The following IL34 variants were observed in gnomAD, a reference collection of about 807,000 sequenced individuals.
IL34 encodes interleukin 34, also known as interleukin-34.
Under a neutral mutation model 25.3 loss-of-function variants are expected in IL34, and 17 were observed. The observed-to-expected ratio is 0.67, with a 90% CI of 0.46 to 1.01. IL34 has a LOEUF of 1.01. IL34 is among the 50% of genes least tolerant of loss of function. The pLI is 0.00. For synonymous variants in IL34, 174 were observed against 140.9 expected (o/e 1.23, Z -1.66); for missense variants, 368 against 312.9 (o/e 1.18, Z -1.33).
upstream of IL34, among the ~76,000 whole-genome samples, chr16:70,645,250 G>A (rs1293358223): frequency 6.6e-6 from 1 of 152,158 alleles, no homozygotes; most frequent in South Asian, 2.1e-4. Flanking sequence ...CAGGGTGACT[G>A]CATAAGGGAT....
At chr16:70,619,388 C>T (rs996556273) in intron 1 of IL34, among the ~76,000 whole-genome samples, 1 of 151,926 alleles carries the variant, frequency 6.6e-6, no homozygotes, top group Non-Finnish European at 1.5e-5. Context: ...TAGCTGTAGT[C>T]CAGGAATAGT....
chr16:70,657,106 C>A lies in IL34; in HGVS notation c.387C>A (p.Val129=). The A allele has an allele frequency of 1.2e-6, 2 of 1,612,772 alleles. No homozygotes were observed. The highest frequency in any genetic ancestry group is 1.8e-4 in the Middle Eastern group (1 of 5,556). The change falls in exon 4 of 6, where the codon GTC becomes GTA. Residue 129 remains valine (V), a synonymous_variant. Transcript: ENST00000288098. The part of the protein sequence containing the change: ...LQEVETLLLN[V]QQGLTDVEVS... Reference sequence around the variant, plus strand: ...AGGTGGAGACGCTGCTGCTGAATGTCCAGCAGGGCCTCACGGTGAGTTGTG... The same window carrying A: ...AGGTGGAGACGCTGCTGCTGAATGTACAGCAGGGCCTCACGGTGAGTTGTG...
chr16:70,643,421 A>C (rs2051833657), upstream of IL34, among the ~76,000 whole-genome samples: 1 of 152,180 alleles, frequency 6.6e-6, no homozygotes, highest in African/African-American at 2.4e-5. Context: ...CCCATGCTGG[A>C]GTGCAGTGGC....
intron 1 of IL34, among the ~76,000 whole-genome samples, chr16:70,608,786 TTCAGTGTGCAGACTTGCACCTCAGCC>T (rs2051048867): frequency 6.6e-6 from 1 of 152,104 alleles, no homozygotes; most frequent in African/African-American, 2.4e-5. Flanking sequence ...TCATCATGGG[TTCAGTGTGCAGACTTGCACCTCAGCC>T]TCACGCCTCA....
At chr16:70,595,822 GC>G (rs1179213444) in intron 1 of IL34, among the ~76,000 whole-genome samples, 3 of 151,714 alleles carry the variant, frequency 2.0e-5, no homozygotes, top group African/African-American at 7.3e-5. Flanking sequence ...GACCAGCTGG[GC>G]CAACATGGTG....
In IL34 at chr16:70,647,939, G is replaced by A. The variant is rs138773076; in HGVS notation, c.28+964G>A. Among the ~76,000 whole-genome samples, 768 of 152,298 alleles carry A rather than the reference G, an allele frequency of 5.0e-3. 4 individuals are homozygous for A. Among genetic ancestry groups the A allele is most frequent in the Non-Finnish European group, 8.0e-3 (547 of 68,024 alleles). The stretch of plus-strand genomic sequence containing the variant: ...TGGAAATGGTCTAGAAGGTGGGGTG[G>A]TGGTCACACAGGTAGACCTGGGGTC... On this transcript the variant is annotated intron_variant, in intron 1 of 5. Transcript: ENST00000288098.
intron 1 of IL34, among the ~76,000 whole-genome samples, chr16:70,597,440 C>T (rs760733892): frequency 6.6e-6 from 1 of 152,046 alleles, no homozygotes; most frequent in Non-Finnish European, 1.5e-5. Flanking sequence ...AGGCTGTTAT[C>T]GAACTCCTGG....
In IL34 at chr16:70,657,096, T is replaced by C; in HGVS notation, c.377T>C (p.Leu126Pro). Residue 126 changes from leucine (L) to proline (P), a missense_variant, in exon 4 of 6, where the codon CTG (leucine) becomes CCG (proline). Coordinates refer to ENST00000288098, the MANE Select transcript of IL34 (RefSeq NM_001393494.1). ...TACCTGCAGGAGGTGGAGACGCTGC[T>C]GCTGAATGTCCAGCAGGGCCTCACG... ...WKYLQEVETL[L>P]LNVQQGLTDV... The C allele has an allele frequency of 6.2e-7, 1 of 1,613,112 alleles. No individual in the cohort carries two copies. Among genetic ancestry groups the C allele is most frequent in the Non-Finnish European group, 8.5e-7 (1 of 1,179,924 alleles).
At chr16:70,650,756 T>C (rs1021714762) in intron 1 of IL34, among the ~76,000 whole-genome samples, 14 of 152,304 alleles carry the variant, frequency 9.2e-5, no homozygotes, top group African/African-American at 2.6e-4. Context: ...GTAGACTCTC[T>C]GCATCCTAGA....
chr16:70,644,933 G>GGGA (rs2051883003), upstream of IL34, among the ~76,000 whole-genome samples: 1 of 38,958 alleles, frequency 2.6e-5, no homozygotes, highest in African/African-American at 4.4e-4. Context: ...GGAGGAAGGA[G>GGGA]GAAGAGGAGG....
intron 1 of IL34, among the ~76,000 whole-genome samples, chr16:70,640,529 C>G (rs1397683891): frequency 6.6e-6 from 1 of 150,746 alleles, no homozygotes; most frequent in Non-Finnish European, 1.5e-5. Context: ...GACGCTGAGG[C>G]AGGAGAATCT....
intron 1 of IL34, among the ~76,000 whole-genome samples, chr16:70,647,631 C>T (rs1477747753): frequency 6.6e-6 from 1 of 152,144 alleles, no homozygotes; most frequent in East Asian, 1.9e-4. Flanking sequence ...CCGGTGCCTC[C>T]CACGTGCCCA....
At chr16:70,588,226 G>A (rs534821675) in intron 1 of IL34, among the ~76,000 whole-genome samples, 7 of 151,600 alleles carry the variant, frequency 4.6e-5, no homozygotes, top group South Asian at 4.2e-4. Flanking sequence ...TGGCTCATGC[G>A]TGTAATCCCA....
At chr16:70,633,198 C>G (rs2051558473) in intron 1 of IL34, among the ~76,000 whole-genome samples, 1 of 151,586 alleles carries the variant, frequency 6.6e-6, no homozygotes, top group Admixed American at 6.6e-5. Flanking sequence ...CTCCTGAGCT[C>G]AAGTGATCTG....
chr16:70,619,313 G>C (rs1317359484), intron 1 of IL34, among the ~76,000 whole-genome samples: 2 of 152,104 alleles, frequency 1.3e-5, no homozygotes, highest in Non-Finnish European at 2.9e-5. Flanking sequence ...GTGGGTTAAG[G>C]TGGGGGAATA....
intron 1 of IL34, among the ~76,000 whole-genome samples, chr16:70,634,804 G>T (rs2051604828): frequency 6.6e-6 from 1 of 152,156 alleles, no homozygotes; most frequent in South Asian, 2.1e-4. Context: ...TTATTGGCCT[G>T]TTCTTGCATT....
intron 1 of IL34, among the ~76,000 whole-genome samples, chr16:70,649,859 C>T (rs1444933023): frequency 6.6e-6 from 1 of 152,168 alleles, no homozygotes; most frequent in African/African-American, 2.4e-5. Context: ...AGTGCTGCGG[C>T]ACGATCTCAG....
intron 1 of IL34, among the ~76,000 whole-genome samples, chr16:70,599,531 A>ATT (rs571022559): frequency 6.0e-5 from 8 of 132,946 alleles, no homozygotes; most frequent in South Asian, 2.5e-4. Flanking sequence ...TAATTTTTGT[A>ATT]TTTTTTTTTT....
At position 70,624,791 on chromosome 16, in the gene IL34, G is replaced by C. The variant is rs181849287; in HGVS notation, c.-400-21757G>C. Among the ~76,000 whole-genome samples the C allele has an allele frequency of 1.3e-3, 198 of 150,624 alleles. 1 individual carries two copies. Among genetic ancestry groups the C allele is most frequent in the Middle Eastern group, 3.4e-3 (1 of 294 alleles). ...ATAAAAGGATTATAGGGTGGAGGAG[G>C]GGAGGCTGAGGAAGAATTGGGACCT... is the stretch of plus-strand genomic sequence containing the variant. On this transcript the variant is annotated intron_variant, in intron 1 of 6. Coordinates refer to the IL34 transcript ENST00000429149.
Sources: gnomAD v4.1 joint callset for allele counts (sites outside exome capture counted in the v4.1 genomes callset) on GRCh38, gnomAD v4.1.1 for gene constraint, MANE v1.5 for transcripts, NCBI Gene and HGNC (gene_info 2026-07-23, HGNC 2026-07-21) for gene names.